The following PDE4DIP variants were observed in gnomAD, a reference collection of about 807,000 sequenced individuals.
PDE4DIP encodes the protein myomegalin.
Under a neutral mutation model 221.4 loss-of-function variants are expected in PDE4DIP, and 59 were observed. The observed-to-expected ratio is 0.27, with a 90% CI of 0.22 to 0.33. PDE4DIP has a LOEUF of 0.33. Ranked by LOEUF, PDE4DIP falls within the 10% of genes least tolerant of loss-of-function variation. PDE4DIP has a pLI of 1.00. For synonymous variants in PDE4DIP, 404 were observed against 815.9 expected, an observed-to-expected ratio of 0.50 and a Z score of 8.60; for missense variants, 1,036 against 2,154.2, an observed-to-expected ratio of 0.48 and a Z score of 10.28.
At chr1:148,822,527 CCCACCCTGT>C (rs1246323179) in intron 1 of PDE4DIP, among the ~76,000 whole-genome samples, 2 of 151,342 alleles carry the variant, frequency 1.3e-5, no homozygotes, top group Non-Finnish European at 1.5e-5. Context: ...AAATCCATCC[CCCACCCTGT>C]CCATGGAAAA....
intron 1 of PDE4DIP, among the ~76,000 whole-genome samples, chr1:148,920,057 T>C (rs2045173868): frequency 1.3e-5 from 2 of 149,248 alleles, no homozygotes; most frequent in South Asian, 4.2e-4. Context: ...TCCAATACTT[T>C]CTTGTCGACT....
At chr1:148,980,903 A>G (rs1488867391) in intron 20 of PDE4DIP, among the ~76,000 whole-genome samples, 2 of 152,240 alleles carry the variant, frequency 1.3e-5, no homozygotes, top group Non-Finnish European at 2.9e-5. Context: ...GTCTTGCTCC[A>G]GTTTATATTT....
intron 1 of PDE4DIP, among the ~76,000 whole-genome samples, chr1:148,922,956 G>A (rs1271202295): frequency 7.2e-6 from 1 of 138,634 alleles, no homozygotes; most frequent in Non-Finnish European, 1.5e-5. Flanking sequence ...TTATTTTTTC[G>A]AGATGGAGTT....
intron 17 of PDE4DIP, among the ~76,000 whole-genome samples, chr1:148,975,072 C>T (rs1382522981): frequency 3.3e-4 from 47 of 141,584 alleles, no homozygotes; most frequent in Non-Finnish European, 5.9e-4. Context: ...TCGGGAGCCT[C>T]AGGCAGGAGA....
chr1:148,890,521 AG>A (rs1308291305), intron 1 of PDE4DIP, among the ~76,000 whole-genome samples: 3 of 120,484 alleles, frequency 2.5e-5, no homozygotes, highest in African/African-American at 9.2e-5. Context: ...TGGGAAGCCA[AG>A]GAAGACAGAA....
At chr1:148,926,776 AT>A (rs2046808689) in intron 1 of PDE4DIP, among the ~76,000 whole-genome samples, 1 of 151,564 alleles carries the variant, frequency 6.6e-6, no homozygotes, top group South Asian at 2.1e-4. Flanking sequence ...TTATGAAGAC[AT>A]TTGAATTCCT....
intron 14 of PDE4DIP, among the ~76,000 whole-genome samples, chr1:148,970,607 T>C (rs1416696882): frequency 6.6e-6 from 1 of 151,670 alleles, no homozygotes; most frequent in Non-Finnish European, 1.5e-5. Flanking sequence ...AATTACGAGG[T>C]ATAGGTGGGA....
chr1:148,989,977 C>A (rs1475608304), intron 21 of PDE4DIP, among the ~76,000 whole-genome samples: 4 of 152,170 alleles, frequency 2.6e-5, no homozygotes, highest in Non-Finnish European at 5.9e-5. Context: ...GGAAATAACT[C>A]TTGTACACTG....
rs369502630 is a variant in PDE4DIP at position 148,929,172 on chromosome 1, C to T, written c.142-25C>T. The T allele has an allele frequency of 8.7e-4, 1,398 of 1,612,404 alleles. 5 individuals are homozygous for T. The highest frequency in any genetic ancestry group is 2.0e-3 in the Middle Eastern group (12 of 6,052). ...AAAGAGTGTCTGTGGCAGTTAATAA[C>T]GATTAATGCCTGTGTGTTTTTCAGA... On this transcript the variant is annotated intron_variant, in intron 1 of 43. Coordinates refer to ENST00000369354, the Ensembl canonical transcript of PDE4DIP.
Position 148,851,620 on chromosome 1 carries a change from A to AT in PDE4DIP, c.234-11630_234-11629insT, listed in dbSNP as rs1190908538. The stretch of plus-strand genomic sequence containing the variant: ...TGCCCCAGGACACTACTTCTATTGA[A>AT]ATCTACCCCATTTTATAAATAAAAT... On this transcript the variant is annotated intron_variant, in intron 1 of 45. Transcript: ENST00000524974. Among the ~76,000 whole-genome samples the AT allele has an allele frequency of 9.0e-5, 8 of 88,734 alleles. 2 individuals are homozygous for AT. The highest frequency in any genetic ancestry group is 4.2e-4 in the Admixed American group (4 of 9,432). 58.2% of individuals were successfully genotyped at this position (88,734 alleles called of 152,430 possible).
intron 1 of PDE4DIP, among the ~76,000 whole-genome samples, chr1:148,813,856 G>A (rs1471973933): frequency 3.3e-4 from 19 of 58,322 alleles, no homozygotes; most frequent in Non-Finnish European, 5.7e-4. Context: ...CCATTTAATT[G>A]CCTTAGCACC....
intron 21 of PDE4DIP, chr1:148,985,846 T>C (rs2061823694): frequency 6.6e-6 from 1 of 152,124 alleles, no homozygotes; most frequent in African/African-American, 2.4e-5. Context: ...ATATGGAGAA[T>C]AGGGGTTTTA....
At chr1:148,818,044 T>G (rs1553357502) in intron 1 of PDE4DIP, among the ~76,000 whole-genome samples, 2 of 150,068 alleles carry the variant, frequency 1.3e-5, no homozygotes, top group African/African-American at 2.5e-5. Context: ...CTCAAACTTC[T>G]GACCTCAGGT....
At position 149,005,040 on chromosome 1, in the gene PDE4DIP, G is replaced by A. The variant is rs782424563; in HGVS notation, c.4018G>A (p.Glu1340Lys). ...CTTGGAGAACCAGCTAGGGAAGCAGGAAGAGTTCCGGGTATATGGAAAGTC... is the reference window on the plus strand; with the variant it reads ...CTTGGAGAACCAGCTAGGGAAGCAGAAAGAGTTCCGGGTATATGGAAAGTC... The change falls in exon 27 of 44, where the codon GAA (glutamate) becomes AAA (lysine). Residue 1340 changes from glutamate (E) to lysine (K), a missense_variant. Transcript: ENST00000369354. The A allele has an allele frequency of 1.5e-5, 24 of 1,605,232 alleles. No individual in the cohort carries two copies. In the South Asian group the frequency reaches 2.6e-4, roughly 18 times the overall value.
chr1:148,977,966 G>T lies in PDE4DIP; in HGVS notation c.2349G>T (p.Met783Ile), dbSNP rs34169189. Reference sequence around the variant, plus strand: ...AACTTTCTGCTCTACAGTCCATGATGGCTGTGCAGGAAGAAGAGCTGCAGG... The same window carrying T: ...AACTTTCTGCTCTACAGTCCATGATTGCTGTGCAGGAAGAAGAGCTGCAGG... Residue 783 changes from methionine to isoleucine, a missense_variant, in exon 18 of 44, where the codon ATG becomes ATT. Met to Ile is a conservative substitution (Grantham distance 10, BLOSUM62 1). Coordinates refer to ENST00000369354, the Ensembl canonical transcript of PDE4DIP. 3.1e-6 allele frequency: 5 copies of T among 1,613,904 alleles called. No homozygotes were observed. The African/African-American group carries it at 4.0e-5, about 13-fold the overall frequency.
chr1:148,844,088 C>G (rs10910713), intron 1 of PDE4DIP, among the ~76,000 whole-genome samples: 1 of 50,788 alleles, frequency 2.0e-5, no homozygotes, highest in African/African-American at 5.3e-5. Context: ...GCTCCTAAAC[C>G]TTCCTAGACT....
chr1:148,827,244 C>CTTTTTTT (rs67632049), intron 1 of PDE4DIP, among the ~76,000 whole-genome samples: 37 of 34,124 alleles, frequency 1.1e-3, no homozygotes, highest in African/African-American at 3.0e-3. Flanking sequence ...GTGTTATATT[C>CTTTTTTT]TTTTTTTTTT....
In PDE4DIP at chr1:148,915,140, T is replaced by C. The variant is rs1380809918; in HGVS notation, c.142-14057T>C. Among the ~76,000 whole-genome samples the C allele has an allele frequency of 2.7e-5, 4 of 149,586 alleles. No homozygotes were observed. The East Asian group carries it at 7.7e-4, about 29-fold the overall frequency. On this transcript the variant is annotated intron_variant, in intron 1 of 43. Transcript: ENST00000369354. ...CAGTGCTTTCTTCTGGTTTTTTTGTTTGTTTGTTTGTTTGTTTGTTTGTTT... is the reference window on the plus strand; with the variant it reads ...CAGTGCTTTCTTCTGGTTTTTTTGTCTGTTTGTTTGTTTGTTTGTTTGTTT...
intron 38 of PDE4DIP, among the ~76,000 whole-genome samples, chr1:149,025,389 G>A (rs1575602778): frequency 6.6e-6 from 1 of 151,856 alleles, no homozygotes; most frequent in Non-Finnish European, 1.5e-5. Flanking sequence ...AAGGAAACAG[G>A]GCTCTGGGGA....
Sources: allele counts gnomAD v4.1 joint callset (sites outside exome capture counted in the v4.1 genomes callset), GRCh38; gene constraint gnomAD v4.1.1; transcripts MANE v1.5; gene names NCBI Gene and HGNC (gene_info 2026-07-23, HGNC 2026-07-21).